The following RORA variants were observed in gnomAD, a reference collection of about 807,000 sequenced individuals.
RORA encodes the protein RAR related orphan receptor A.
In RORA, 7 loss-of-function variants were observed where a neutral mutation model predicts 69.5. The observed-to-expected ratio is 0.10, with a 90% CI of 0.06 to 0.19. The LOEUF is 0.19. RORA is among the 10% of genes least tolerant of loss of function. The pLI, the probability that RORA is intolerant of heterozygous loss-of-function variation, is 1.00. For synonymous variants in RORA, 261 were observed against 240.8 expected (o/e 1.08, Z -0.78); for missense variants, 457 against 663.0 (o/e 0.69, Z 3.41).
chr15:60,758,921 A>T (rs1030850829), intron 1 of RORA, among the ~76,000 whole-genome samples: 3 of 152,230 alleles, frequency 2.0e-5, no homozygotes, highest in Non-Finnish European at 4.4e-5. Context: ...TTACCATTTT[A>T]CAGACAAAGA....
intron 1 of RORA, among the ~76,000 whole-genome samples, chr15:60,832,836 G>A (rs1370878685): frequency 6.6e-6 from 1 of 152,140 alleles, no homozygotes; most frequent in Non-Finnish European, 1.5e-5. Flanking sequence ...CTGTTACCAT[G>A]CCTACACTGT....
intron 1 of RORA, among the ~76,000 whole-genome samples, chr15:61,106,723 T>A (rs1566992019): frequency 6.6e-6 from 1 of 152,234 alleles, no homozygotes; most frequent in Non-Finnish European, 1.5e-5. Flanking sequence ...ATAACTCTCA[T>A]TTCACTTTTT....
At chr15:60,503,129 A>T (rs922387350) in intron 7 of RORA, among the ~76,000 whole-genome samples, 1 of 152,178 alleles carries the variant, frequency 6.6e-6, no homozygotes, top group African/African-American at 2.4e-5. Context: ...GCACTCTTCT[A>T]CCTCGCAATG....
intron 1 of RORA, among the ~76,000 whole-genome samples, chr15:60,728,625 T>TA (rs899920740): frequency 2.0e-5 from 3 of 152,196 alleles, no homozygotes; most frequent in Non-Finnish European, 4.4e-5. Flanking sequence ...GTCTCCCATT[T>TA]AAAAAATATT....
intron 1 of RORA, among the ~76,000 whole-genome samples, chr15:61,122,423 A>T (rs2079112052): frequency 6.6e-6 from 1 of 152,292 alleles, no homozygotes; most frequent in South Asian, 2.1e-4. Context: ...TCTCCTCCAA[A>T]TTCTCAATTT....
At chr15:60,861,597 C>T (rs550824813) in intron 1 of RORA, among the ~76,000 whole-genome samples, 1 of 152,288 alleles carries the variant, frequency 6.6e-6, no homozygotes, top group South Asian at 2.1e-4. Context: ...CAAGTGATCT[C>T]TCTGCCTTAG....
At chr15:61,025,048 A>G (rs987016173) in intron 1 of RORA, among the ~76,000 whole-genome samples, 3 of 152,104 alleles carry the variant, frequency 2.0e-5, no homozygotes, top group Admixed American at 6.5e-5. Context: ...GGTGTTTAAG[A>G]TCTCCGAAGT....
intron 1 of RORA, chr15:61,175,927 A>T (rs1038738375): frequency 1.4e-4 from 22 of 152,122 alleles, no homozygotes; most frequent in Non-Finnish European, 1.9e-4. Context: ...GGCATACACA[A>T]TGAAAAAAAC....
intron 1 of RORA, among the ~76,000 whole-genome samples, chr15:60,703,443 T>C (rs189930206): frequency 2.9e-5 from 4 of 139,688 alleles, no homozygotes; most frequent in Admixed American, 1.4e-4. Context: ...TGTTCTTCAA[T>C]GAACATAGAA....
chr15:60,538,513 G>C (rs2066752673), intron 2 of RORA, among the ~76,000 whole-genome samples: 1 of 150,722 alleles, frequency 6.6e-6, no homozygotes, highest in African/African-American at 2.5e-5. Flanking sequence ...ATGCCACAAA[G>C]AGAATAAAAA....
intron 1 of RORA, among the ~76,000 whole-genome samples, chr15:61,084,825 CTTTTT>C (rs34566111): frequency 7.2e-6 from 1 of 138,760 alleles, no homozygotes; most frequent in African/African-American, 2.7e-5. Flanking sequence ...TCTACCCATC[CTTTTT>C]TTTTTTTTTT....
At chr15:60,874,821 C>A (rs2073595827) in intron 1 of RORA, among the ~76,000 whole-genome samples, 1 of 152,120 alleles carries the variant, frequency 6.6e-6, no homozygotes, top group African/African-American at 2.4e-5. Flanking sequence ...TGTACAAATT[C>A]TGCTTTTTCA....
intron 1 of RORA, among the ~76,000 whole-genome samples, chr15:61,214,788 C>T (rs2080023464): frequency 6.6e-6 from 1 of 152,124 alleles, no homozygotes; most frequent in Admixed American, 6.5e-5. Flanking sequence ...GCCAAACTAT[C>T]CCCTGAAGCC....
rs528649137 is a variant in RORA at position 60,821,660 on chromosome 15, G to A, written c.167-142974C>T. Among the ~76,000 whole-genome samples the A allele has an allele frequency of 1.2e-4, 18 of 152,292 alleles. No homozygotes were observed. In the East Asian group the frequency reaches 2.7e-3, roughly 23 times the overall value. On this transcript the variant is annotated intron_variant, in intron 1 of 10. Coordinates refer to ENST00000335670, the MANE Select transcript of RORA (RefSeq NM_134261.3). ...CTGTGTCTTACTCATCTTTGCATCCGTAGCAACTAGTGTGGGGCCTGATGG... is the reference window on the plus strand; with the variant it reads ...CTGTGTCTTACTCATCTTTGCATCCATAGCAACTAGTGTGGGGCCTGATGG...
At chr15:61,187,387 G>A (rs17204945) in intron 1 of RORA, among the ~76,000 whole-genome samples, 24,303 of 152,172 alleles carry the variant, frequency 0.16, 2,059 homozygotes, top group Admixed American at 0.21. Flanking sequence ...AAAGAGACTC[G>A]GATCCTTACC....
intron 2 of RORA, among the ~76,000 whole-genome samples, chr15:60,656,516 CTT>C (rs35053324): frequency 5.9e-5 from 9 of 151,602 alleles, no homozygotes; most frequent in Non-Finnish European, 1.2e-4. Flanking sequence ...CCCTGAGATT[CTT>C]TTTTTTTCAT....
intron 1 of RORA, among the ~76,000 whole-genome samples, chr15:60,762,815 A>T (rs1439399915): frequency 6.6e-6 from 1 of 152,154 alleles, no homozygotes; most frequent in Admixed American, 6.6e-5. Flanking sequence ...TCTGTTAGAC[A>T]TGGTCTAATG....
chr15:60,493,948 A>AAC lies in RORA; in HGVS notation c.*3506_*3507insGT, dbSNP rs2065101537. The AAC allele has an allele frequency of 1.2e-5, 1 of 84,806 alleles. No individual in the cohort carries two copies. The highest frequency in any genetic ancestry group is 2.4e-5 in the Non-Finnish European group (1 of 42,510). The allele number at this position is 84,806 out of a possible 1,614,324, so 5.3% of individuals were successfully genotyped here. ...ACGCACACACATCATACACATGCAA[A>AAC]TCACACACACACACACACACACACA... is the stretch of plus-strand genomic sequence containing the variant. On this transcript the variant is annotated 3_prime_UTR_variant, in exon 11 of 11. Coordinates refer to ENST00000335670, the MANE Select transcript of RORA (RefSeq NM_134261.3).
intron 1 of RORA, among the ~76,000 whole-genome samples, chr15:61,020,300 C>G (rs1379776080): frequency 6.6e-6 from 1 of 152,148 alleles, no homozygotes; most frequent in African/African-American, 2.4e-5. Context: ...TACTCAAGTT[C>G]AGACCATCCC....
Sources: allele counts gnomAD v4.1 joint callset (sites outside exome capture counted in the v4.1 genomes callset), GRCh38; gene constraint gnomAD v4.1.1; transcripts MANE v1.5; gene names NCBI Gene and HGNC (gene_info 2026-07-23, HGNC 2026-07-21).